Variants in FRMD6 observed in about 807,000 individuals in gnomAD.
The protein encoded by FRMD6 is FERM domain-containing protein 6.
FRMD6 carries 37 observed loss-of-function variants against 73.2 expected under a neutral mutation model. The observed-to-expected ratio is 0.51, with a 90% CI of 0.39 to 0.66. The LOEUF (loss-of-function observed/expected upper bound fraction) is 0.66, where lower values mean the gene tolerates loss of function less well. FRMD6 is among the 30% of genes least tolerant of loss of function. FRMD6 has a pLI of 0.00. For synonymous variants in FRMD6, 273 were observed against 282.2 expected, an observed-to-expected ratio of 0.97 and a Z score of 0.33; for missense variants, 714 against 780.5, an observed-to-expected ratio of 0.91 and a Z score of 1.02.
chr14:51,603,419 G>A (rs578050075), intron 2 of FRMD6, among the ~76,000 whole-genome samples: 2 of 152,054 alleles, frequency 1.3e-5, no homozygotes, highest in African/African-American at 4.8e-5. Flanking sequence ...TTGTATCTGA[G>A]TGGTGGATTG....
chr14:51,397,038 T>A, the FRMD6 span: 1 of 152,280 alleles, frequency 6.6e-6, no homozygotes, highest in African/African-American at 2.4e-5. Flanking sequence ...TAGGTTGGGG[T>A]CCTGGAGACC....
intron 1 of FRMD6, among the ~76,000 whole-genome samples, chr14:51,525,712 C>G (rs1042922603): frequency 6.6e-6 from 1 of 152,136 alleles, no homozygotes; most frequent in African/African-American, 2.4e-5. Context: ...TCACCATAAC[C>G]CCTGACCTTA....
chr14:51,705,113 T>C (rs1896547550), intron 6 of FRMD6, among the ~76,000 whole-genome samples, 178 bp downstream of exon 6: 1 of 152,086 alleles, frequency 6.6e-6, no homozygotes, highest in Non-Finnish European at 1.5e-5. Flanking sequence ...ATGTACTTAG[T>C]CTGCTTATGG....
At chr14:51,529,900 A>T (rs745634409) in intron 1 of FRMD6, among the ~76,000 whole-genome samples, 10 of 152,226 alleles carry the variant, frequency 6.6e-5, no homozygotes, top group Non-Finnish European at 1.5e-4. Flanking sequence ...ATGGCTTGTG[A>T]CAAGAATCTA....
chr14:51,441,733 A>G, the FRMD6 span, among the ~76,000 whole-genome samples: 1 of 152,326 alleles, frequency 6.6e-6, no homozygotes, highest in South Asian at 2.1e-4. Flanking sequence ...TGACGTTGGG[A>G]TGAAGCTCCA....
the FRMD6 span, among the ~76,000 whole-genome samples, chr14:51,442,087 G>T: frequency 5.9e-5 from 9 of 152,086 alleles, no homozygotes; most frequent in Non-Finnish European, 1.3e-4. Flanking sequence ...TGTAAGGACC[G>T]TTTTTATCTA....
intron 1 of FRMD6, among the ~76,000 whole-genome samples, chr14:51,542,060 G>A (rs1406485462): frequency 2.6e-5 from 4 of 151,886 alleles, no homozygotes; most frequent in Admixed American, 6.6e-5. Context: ...AAAACTACAC[G>A]CTCCTAGGCC....
the FRMD6 span, among the ~76,000 whole-genome samples, chr14:51,468,260 C>G: frequency 1.6e-5 from 2 of 125,164 alleles, no homozygotes; most frequent in East Asian, 2.7e-4. Flanking sequence ...AGCCTCGGCT[C>G]GGCATCAGAG....
At chr14:51,562,201 T>C (rs7154424) in intron 1 of FRMD6, among the ~76,000 whole-genome samples, 64,951 of 152,132 alleles carry the variant, frequency 0.43, 14,326 homozygotes, top group African/African-American at 0.55. Context: ...CTGCAGGCTC[T>C]ATGATCAAAA....
At chr14:51,565,749 C>A (rs1021088475) in intron 1 of FRMD6, among the ~76,000 whole-genome samples, 1 of 152,142 alleles carries the variant, frequency 6.6e-6, no homozygotes, top group Non-Finnish European at 1.5e-5. Flanking sequence ...CTAGAGGTGG[C>A]GAGGCCTTAG....
At chr14:51,444,783 A>T in the FRMD6 span, among the ~76,000 whole-genome samples, 1 of 152,056 alleles carries the variant, frequency 6.6e-6, no homozygotes, top group Admixed American at 6.5e-5. Context: ...TGTGCAACTG[A>T]TAGGGGGCGG....
At position 51,698,227 on chromosome 14, in the gene FRMD6, T is replaced by C. The variant is rs752628637; in HGVS notation, c.185T>C (p.Ile62Thr). 19 of 1,610,160 alleles carry C rather than the reference T, an allele frequency of 1.2e-5. No individual in the cohort carries two copies. The Admixed American group carries it at 2.0e-4, about 17-fold the overall frequency. Residue 62 changes from isoleucine to threonine, a missense_variant, in exon 3 of 14, where the codon ATA becomes ACA. By Grantham distance (89) the Ile-to-Thr change is moderately conservative. Transcript: ENST00000344768. ...TGCCACCTCTTTGGACTCAGTGTTA[T>C]ACAAAGTAAGTCTTAGAGCCCTCTC... ...KDCHLFGLSV[I>T]QNNEHVYMEL...
intron 1 of FRMD6, among the ~76,000 whole-genome samples, chr14:51,538,615 T>C (rs1042978631): frequency 4.6e-5 from 7 of 152,194 alleles, no homozygotes; most frequent in African/African-American, 1.7e-4. Flanking sequence ...TTTTGAATAT[T>C]GATATTCAGT....
In FRMD6 at chr14:51,720,242, G is replaced by A; in HGVS notation, c.1212G>A (p.Arg404=). ...GCATTGAGGCAGACACCAAGCCCCG[G>A]GACACGGGGCCAGAAGACAGCTACT... ...TSGIEADTKP[R]DTGPEDSYSS... is the part of the protein sequence containing the mutation. The change falls in exon 11 of 14, where the codon CGG becomes CGA. Residue 404 remains arginine, a synonymous_variant. Transcript: ENST00000344768. 2 of 1,613,944 alleles carry A rather than the reference G, an allele frequency of 1.2e-6. No individual in the cohort carries two copies. The highest frequency in any genetic ancestry group is 1.7e-6 in the Non-Finnish European group (2 of 1,179,954).
rs1566598572 is a variant in FRMD6, at chr14:51,721,756, AAGG to A, written c.1361-189_1361-187del. The stretch of plus-strand genomic sequence containing the variant: ...GGAGGGAGGAAGGAAGGGAGGAAGG[AAGG>A]AGGGAAGGAGGGAAGGAGTAAACAA... On this transcript the variant is annotated intron_variant, in intron 11 of 13. Coordinates refer to ENST00000344768, the MANE Select transcript of FRMD6 (RefSeq NM_001267046.2). Among the ~76,000 whole-genome samples the A allele has an allele frequency of 6.4e-5, 8 of 124,744 alleles. No individual in the cohort carries two copies. In the East Asian group the frequency reaches 7.5e-4, roughly 12 times the overall value. 81.8% of individuals were successfully genotyped at this position (124,744 alleles called of 152,430 possible). A position where few individuals can be genotyped will look rare whatever the true frequency, so the allele number is the denominator to read the frequency against.
chr14:51,714,253 T>A (rs1447049191), intron 9 of FRMD6: 1 of 152,082 alleles, frequency 6.6e-6, no homozygotes, highest in East Asian at 1.9e-4. Context: ...AAATGTCAGT[T>A]GTTACTATTT....
intron 2 of FRMD6, among the ~76,000 whole-genome samples, chr14:51,581,035 G>A (rs1888691171): frequency 6.6e-6 from 1 of 152,186 alleles, no homozygotes; most frequent in Non-Finnish European, 1.5e-5. Flanking sequence ...CAGAAAAGAT[G>A]TGGAAATGAT....
At chr14:51,644,353 T>TCACACACACACACA (rs375341468) in intron 2 of FRMD6, among the ~76,000 whole-genome samples, 27 of 142,166 alleles carry the variant, frequency 1.9e-4, no homozygotes, top group Admixed American at 5.7e-4. Context: ...GCCTCACCCT[T>TCACACACACACACA]CACACACACA....
intron 1 of FRMD6, among the ~76,000 whole-genome samples, chr14:51,528,507 A>G (rs144034330): frequency 1.3e-3 from 194 of 152,260 alleles, no homozygotes; most frequent in African/African-American, 4.4e-3. Flanking sequence ...TGCATTCCAG[A>G]ATTTTGGGGA....
Sources: allele counts gnomAD v4.1 joint callset (sites outside exome capture counted in the v4.1 genomes callset), GRCh38; gene constraint gnomAD v4.1.1; transcripts MANE v1.5; gene names NCBI Gene and HGNC (gene_info 2026-07-23, HGNC 2026-07-21).